NRXN3: variants seen among roughly 807,000 people sequenced by gnomAD.
NRXN3 encodes neurexin 3.
Under a neutral mutation model 137.6 loss-of-function variants are expected in NRXN3, and 32 were observed. That is an observed-to-expected ratio of 0.23 (90% CI 0.18 to 0.31). NRXN3 has a LOEUF of 0.31. Among genes scored for constraint, NRXN3 ranks in the 10% least tolerant of loss-of-function variants. The pLI, the probability that NRXN3 is intolerant of heterozygous loss-of-function variation, is 1.00. For synonymous variants in NRXN3, 798 were observed against 784.5 expected (o/e 1.02, Z -0.29); for missense variants, 1,574 against 2,062.5 (o/e 0.76, Z 4.59).
At chr14:78,907,741 A>T (rs1443890701) in intron 10 of NRXN3, among the ~76,000 whole-genome samples, 1 of 151,952 alleles carries the variant, frequency 6.6e-6, no homozygotes, top group East Asian at 1.9e-4. Flanking sequence ...TATCACCCAG[A>T]TATTAAGCCT....
chr14:79,285,063 A>T (rs1460338193), intron 15 of NRXN3, among the ~76,000 whole-genome samples: 2 of 152,078 alleles, frequency 1.3e-5, no homozygotes, highest in Admixed American at 6.6e-5. Flanking sequence ...CCACCATAGG[A>T]TGATTATAAT....
intron 17 of NRXN3, among the ~76,000 whole-genome samples, chr14:79,679,142 A>G (rs768347501): frequency 8.6e-5 from 13 of 151,334 alleles, no homozygotes; most frequent in Non-Finnish European, 1.5e-4. Flanking sequence ...TTTTTTTCTT[A>G]CATCTCATAT....
intron 4 of NRXN3, among the ~76,000 whole-genome samples, chr14:78,507,300 C>T (rs1480724045): frequency 6.6e-6 from 1 of 152,154 alleles, no homozygotes; most frequent in Non-Finnish European, 1.5e-5. Context: ...ACACAGCCTA[C>T]ATGTGGTTAG....
chr14:79,620,873 T>C (rs1215718907), intron 16 of NRXN3, among the ~76,000 whole-genome samples: 1 of 151,962 alleles, frequency 6.6e-6, no homozygotes, highest in Non-Finnish European at 1.5e-5. Flanking sequence ...GGGAATAAGA[T>C]ATGTAGATAG....
At chr14:78,852,398 C>A (rs966379132) in intron 10 of NRXN3, among the ~76,000 whole-genome samples, 1 of 152,120 alleles carries the variant, frequency 6.6e-6, no homozygotes, top group Non-Finnish European at 1.5e-5. Context: ...ACTATAATGA[C>A]ATGAGTCTAA....
At chr14:79,046,117 T>G (rs2099632720) in intron 15 of NRXN3, among the ~76,000 whole-genome samples, 1 of 152,226 alleles carries the variant, frequency 6.6e-6, no homozygotes, top group South Asian at 2.1e-4. Context: ...CCAACTGATC[T>G]AGGTTTAAGC....
At chr14:78,871,877 G>A (rs564931112) in intron 10 of NRXN3, among the ~76,000 whole-genome samples, 1 of 151,932 alleles carries the variant, frequency 6.6e-6, no homozygotes, top group African/African-American at 2.4e-5. Context: ...ATATATTACT[G>A]GGTTTTGCTA....
intron 2 of NRXN3, among the ~76,000 whole-genome samples, chr14:78,245,001 C>T (rs2067477041): frequency 6.6e-6 from 1 of 152,208 alleles, no homozygotes; most frequent in Non-Finnish European, 1.5e-5. Context: ...AATCCAAATT[C>T]CTGGACTTAC....
rs536366414 is a variant in NRXN3, at chr14:79,322,987, A to C, written c.3263-144234A>C. ...GAAATGACTGTAGTGACGGCAGGGG[A>C]TGGATGAGGGCTATAACATCTGTTG... On this transcript the variant is annotated intron_variant, in intron 15 of 20. Coordinates refer to ENST00000335750, the MANE Select transcript of NRXN3 (RefSeq NM_001330195.2). 2.6e-5 allele frequency among the ~76,000 whole-genome samples: 4 copies of C among 152,242 alleles called. No individual in the cohort carries two copies. In the South Asian group the frequency reaches 8.3e-4, roughly 32 times the overall value.
chr14:78,652,826 C>A (rs2097757532), intron 6 of NRXN3, among the ~76,000 whole-genome samples: 1 of 152,184 alleles, frequency 6.6e-6, no homozygotes, highest in Non-Finnish European at 1.5e-5. Flanking sequence ...AATTTGGTGG[C>A]TCTTTTTAAG....
intron 8 of NRXN3, among the ~76,000 whole-genome samples, chr14:78,772,768 T>C (rs2098732555): frequency 1.3e-5 from 2 of 152,174 alleles, no homozygotes; most frequent in Non-Finnish European, 2.9e-5. Context: ...ACATGTTGAG[T>C]TGTAAAAGTT....
chr14:79,602,163 T>G (rs1365424327), intron 16 of NRXN3, among the ~76,000 whole-genome samples: 1 of 152,210 alleles, frequency 6.6e-6, no homozygotes, highest in Admixed American at 6.5e-5. Flanking sequence ...GTTGATTCTC[T>G]TCACAAGCCC....
chr14:78,566,820 C>G (rs181808525), intron 4 of NRXN3, among the ~76,000 whole-genome samples: 1 of 152,258 alleles, frequency 6.6e-6, no homozygotes, highest in Non-Finnish European at 1.5e-5. Context: ...TAATGCAGAC[C>G]AAGTCCACAG....
chr14:79,073,026 A>G (rs61992484), intron 15 of NRXN3, among the ~76,000 whole-genome samples: 2,884 of 151,964 alleles, frequency 0.019, 46 homozygotes, highest in Middle Eastern at 0.051. Flanking sequence ...AGCTGGAATT[A>G]CAGGTGCCCA....
chr14:79,557,158 G>T (rs2097438181), intron 16 of NRXN3, among the ~76,000 whole-genome samples: 1 of 152,022 alleles, frequency 6.6e-6, no homozygotes, highest in South Asian at 2.1e-4. Context: ...GGTTTTCAAA[G>T]AATTCTGTCC....
intron 4 of NRXN3, among the ~76,000 whole-genome samples, chr14:78,465,922 G>T (rs918771097): frequency 6.6e-6 from 1 of 151,516 alleles, no homozygotes; most frequent in African/African-American, 2.4e-5. Flanking sequence ...CGCGATCTCG[G>T]CTCACTGCAA....
chr14:79,212,919 T>C (rs984486133), intron 15 of NRXN3, among the ~76,000 whole-genome samples: 2 of 152,094 alleles, frequency 1.3e-5, no homozygotes, highest in African/African-American at 4.8e-5. Context: ...AGAACACGCT[T>C]TGGAGAGTAT....
intron 4 of NRXN3, among the ~76,000 whole-genome samples, chr14:78,382,425 G>A (rs1159963957): frequency 3.3e-5 from 5 of 152,126 alleles, no homozygotes; most frequent in Admixed American, 2.0e-4. Flanking sequence ...GTGTTAGGGG[G>A]ACCTTTCTTG....
At chr14:79,008,023 C>T (rs369978803) in intron 15 of NRXN3, among the ~76,000 whole-genome samples, 130 of 152,164 alleles carry the variant, frequency 8.5e-4, no homozygotes, top group African/African-American at 2.9e-3. Flanking sequence ...CTCCAATTCT[C>T]TGTGACTTTG....
Sources: gnomAD v4.1 joint callset for allele counts (sites outside exome capture counted in the v4.1 genomes callset) on GRCh38, gnomAD v4.1.1 for gene constraint, MANE v1.5 for transcripts, NCBI Gene and HGNC (gene_info 2026-07-23, HGNC 2026-07-21) for gene names.